LY86: variants seen among roughly 807,000 people sequenced by gnomAD.
LY86 encodes the protein MD-1, RP105-associated.
A neutral mutation model predicts 17.3 loss-of-function variants in LY86; 20 were observed. That is an observed-to-expected ratio of 1.15 (90% CI 0.81 to 1.68). The LOEUF is 1.68. LY86 is among the 40% of genes most tolerant of loss of function. LY86 has a pLI of 0.00. For missense variants in LY86, 200 were observed against 191.9 expected, an observed-to-expected ratio of 1.04 and a Z score of -0.25; for synonymous variants, 74 against 70.6, an observed-to-expected ratio of 1.05 and a Z score of -0.24.
rs1762236446 is a variant in LY86 at position 6,654,749 on chromosome 6, C to A, written c.*122C>A. On this transcript the variant is annotated 3_prime_UTR_variant, in exon 5 of 5. Transcript: ENST00000230568. ...AGAGAGAGGCTCTACAAAGAAGCGC[C>A]CCCAAAGAGTGCAGCTGCTAATTTT... 2.6e-6 allele frequency: 2 copies of A among 776,030 alleles called. No individual in the cohort carries two copies. Among genetic ancestry groups the A allele is most frequent in the African/African-American group, 1.7e-5 (1 of 57,196 alleles). The allele number at this position is 776,030 out of a possible 1,614,324, so 48.1% of individuals were successfully genotyped here.
At chr6:6,610,491 A>G (rs1462506244) in intron 1 of LY86, among the ~76,000 whole-genome samples, 4 of 152,108 alleles carry the variant, frequency 2.6e-5, no homozygotes, top group Non-Finnish European at 5.9e-5. Context: ...GGAAGCATGA[A>G]GCTTAAAATA....
chr6:6,649,590 G>T, intron 3 of LY86, 35 bp from the exon 4 acceptor site: 1 of 1,311,922 alleles, frequency 7.6e-7, no homozygotes, highest in South Asian at 1.3e-5. Context: ...TTAAATGATT[G>T]AATAACATCA....
intron 3 of LY86, among the ~76,000 whole-genome samples, chr6:6,646,761 G>A (rs375552638): frequency 5.3e-5 from 8 of 152,064 alleles, no homozygotes; most frequent in African/African-American, 1.9e-4. Flanking sequence ...TTTTCCTTAT[G>A]TCTAACCCAA....
intron 3 of LY86, among the ~76,000 whole-genome samples, chr6:6,645,748 G>A (rs1762098212): frequency 6.6e-6 from 1 of 151,714 alleles, no homozygotes; most frequent in Non-Finnish European, 1.5e-5. Context: ...CAGCAGGAGT[G>A]CTCTTGGCTT....
intron 3 of LY86, among the ~76,000 whole-genome samples, chr6:6,648,503 A>G (rs768189323): frequency 2.0e-5 from 3 of 152,068 alleles, no homozygotes; most frequent in Non-Finnish European, 4.4e-5. Context: ...TTATTTTGTT[A>G]TTCTGAGATG....
chr6:6,605,339 G>C (rs746644801), intron 1 of LY86, among the ~76,000 whole-genome samples: 7 of 152,230 alleles, frequency 4.6e-5, no homozygotes, highest in Non-Finnish European at 8.8e-5. Context: ...TCTGGGAAAA[G>C]GTGATGAAGT....
chr6:6,593,490 T>C (rs1178238676), intron 1 of LY86, among the ~76,000 whole-genome samples: 1 of 152,244 alleles, frequency 6.6e-6, no homozygotes, highest in African/African-American at 2.4e-5. Flanking sequence ...CCTAATGTCA[T>C]AGGGAGAATA....
Position 6,654,653 on chromosome 6 carries a change from C to T in LY86, c.*26C>T. ...CTGTGGCCTGTAGCAAAAATCACAG[C>T]CAGCTGCATCTCGTGGGACCTCCAA... On this transcript the variant is annotated 3_prime_UTR_variant, in exon 5 of 5. Coordinates refer to ENST00000230568, the MANE Select transcript of LY86 (RefSeq NM_004271.4). The T allele has an allele frequency of 1.9e-6, 3 of 1,592,994 alleles. No individual in the cohort carries two copies. Among genetic ancestry groups the T allele is most frequent in the Admixed American group, 3.3e-5 (2 of 59,938 alleles).
At chr6:6,636,770 G>A (rs1215622007) in intron 3 of LY86, among the ~76,000 whole-genome samples, 1 of 151,830 alleles carries the variant, frequency 6.6e-6, no homozygotes, top group Non-Finnish European at 1.5e-5. Flanking sequence ...CTTGTCTCCA[G>A]ACTTCAATGG....
Position 6,606,472 on chromosome 6 carries a change from C to T in LY86, c.136+17602C>T, listed in dbSNP as rs569549445. On this transcript the variant is annotated intron_variant, in intron 1 of 4. Coordinates refer to ENST00000230568, the MANE Select transcript of LY86 (RefSeq NM_004271.4). ...CTGCCAGTCCCACACCGCGCACCCG[C>T]ACTCCTCAGCCCTTGGGTGGTCGAT... is the stretch of plus-strand genomic sequence containing the variant. 3.9e-3 allele frequency among the ~76,000 whole-genome samples: 600 copies of T among 152,320 alleles called. 1 individual carries two copies. Among genetic ancestry groups the T allele is most frequent in the Middle Eastern group, 0.02 (6 of 294 alleles).
At chr6:6,611,986 T>TGAGTACTG (rs1201353251) in intron 1 of LY86, among the ~76,000 whole-genome samples, 2 of 59,274 alleles carry the variant, frequency 3.4e-5, no homozygotes, top group Non-Finnish European at 6.0e-5. Flanking sequence ...TCTACCCCCT[T>TGAGTACTG]AACTGAGTAC....
At chr6:6,645,893 A>G (rs1198836434) in intron 3 of LY86, among the ~76,000 whole-genome samples, 1 of 152,086 alleles carries the variant, frequency 6.6e-6, no homozygotes, top group Non-Finnish European at 1.5e-5. Context: ...ACCAGGCAGA[A>G]AGTGGGCAGC....
intron 3 of LY86, among the ~76,000 whole-genome samples, chr6:6,646,828 T>C (rs375882147): frequency 5.3e-5 from 8 of 152,188 alleles, no homozygotes; most frequent in African/African-American, 1.9e-4. Context: ...ACCCAACCAT[T>C]GACCTTCAGT....
intron 1 of LY86, among the ~76,000 whole-genome samples, chr6:6,601,734 AAAAAAGAAAT>A (rs1156814669): frequency 1.3e-5 from 2 of 152,132 alleles, no homozygotes; most frequent in East Asian, 3.9e-4. Context: ...AAAAAAGAAA[AAAAAAGAAAT>A]ATACAATAGA....
chr6:6,610,586 C>T (rs1761307417), intron 1 of LY86, among the ~76,000 whole-genome samples: 1 of 152,120 alleles, frequency 6.6e-6, no homozygotes, highest in Non-Finnish European at 1.5e-5. Context: ...TGATTTACTG[C>T]CTGAGTTACA....
intron 1 of LY86, among the ~76,000 whole-genome samples, chr6:6,624,261 C>G (rs2113138932): frequency 6.6e-6 from 1 of 151,890 alleles, no homozygotes; most frequent in African/African-American, 2.4e-5. Flanking sequence ...GCCATTGGAG[C>G]TTTGTGAATG....
At chr6:6,605,232 C>A (rs1011779671) in intron 1 of LY86, among the ~76,000 whole-genome samples, 1 of 152,086 alleles carries the variant, frequency 6.6e-6, no homozygotes, top group African/African-American at 2.4e-5. Flanking sequence ...TAACAAATAC[C>A]CTAAAATTTG....
intron 1 of LY86, among the ~76,000 whole-genome samples, chr6:6,621,751 A>T (rs79472377): frequency 0.014 from 2,073 of 152,336 alleles, 39 homozygotes; most frequent in African/African-American, 0.048. Context: ...ACAAATAACC[A>T]CTACTATTCA....
Position 6,626,427 on chromosome 6 carries a change from C to G in LY86, c.352+6C>G. 6.2e-7 allele frequency: 1 copy of G among 1,613,466 alleles called. No individual in the cohort carries two copies. Among genetic ancestry groups the G allele is most frequent in the Middle Eastern group, 1.7e-4 (1 of 6,040 alleles). On this transcript the variant is annotated splice_donor_region_variant and intron_variant, in intron 3 of 4. Transcript: ENST00000230568. The stretch of plus-strand genomic sequence containing the variant: ...CTGTGGAAGAAGGAAAGGAGGTAAG[C>G]CATCTGTCTTGCTCACTGCTGGCAG...
Sources: allele counts gnomAD v4.1 joint callset (sites outside exome capture counted in the v4.1 genomes callset), GRCh38; gene constraint gnomAD v4.1.1; transcripts MANE v1.5; gene names NCBI Gene and HGNC (gene_info 2026-07-23, HGNC 2026-07-21).